Variants in CSMD1 observed in about 807,000 individuals in gnomAD.
CSMD1 encodes the protein CUB and sushi domain-containing protein 1.
In CSMD1, 213 loss-of-function variants were observed where a neutral mutation model predicts 417.5. That is an observed-to-expected ratio of 0.51 (90% CI 0.46 to 0.57). The LOEUF (loss-of-function observed/expected upper bound fraction) is 0.57, where lower values mean the gene tolerates loss of function less well. CSMD1 is among the 20% of genes least tolerant of loss of function. The pLI is 0.00. For missense variants in CSMD1, 6,923 were observed against 4,529.7 expected (o/e 1.53, Z -15.17); for synonymous variants, 2,862 against 1,736.8 (o/e 1.65, Z -16.11).
At chr8:3,245,369 C>T (rs192743532) in intron 26 of CSMD1, among the ~76,000 whole-genome samples, 7 of 152,330 alleles carry the variant, frequency 4.6e-5, no homozygotes, top group Admixed American at 4.6e-4. Flanking sequence ...AGGCTGAATT[C>T]TCCCTGCAGG....
At chr8:4,097,240 T>C (rs2036556358) in intron 3 of CSMD1, among the ~76,000 whole-genome samples, 1 of 152,156 alleles carries the variant, frequency 6.6e-6, no homozygotes, top group African/African-American at 2.4e-5. Flanking sequence ...CCTTTTGTAG[T>C]ACAAAGAACT....
chr8:4,705,704 T>A (rs1336102617), intron 1 of CSMD1, among the ~76,000 whole-genome samples: 11 of 152,198 alleles, frequency 7.2e-5, no homozygotes, highest in Non-Finnish European at 1.5e-4. Flanking sequence ...GAGTGTCTCT[T>A]TAACGTCTGA....
chr8:3,528,718 A>C (rs774537171), intron 10 of CSMD1, among the ~76,000 whole-genome samples: 6 of 152,226 alleles, frequency 3.9e-5, no homozygotes, highest in Non-Finnish European at 7.3e-5. Flanking sequence ...GAAAAGCTTG[A>C]GGGATTGGAA....
chr8:4,848,185 G>C (rs1383453056), intron 1 of CSMD1, among the ~76,000 whole-genome samples: 1 of 152,144 alleles, frequency 6.6e-6, no homozygotes, highest in African/African-American at 2.4e-5. Flanking sequence ...ATATTTCATT[G>C]TATGGAAATG....
At chr8:3,582,212 T>G (rs1474064504) in intron 9 of CSMD1, among the ~76,000 whole-genome samples, 1 of 152,194 alleles carries the variant, frequency 6.6e-6, no homozygotes, top group African/African-American at 2.4e-5. Flanking sequence ...TGTAGTCTGT[T>G]TTAGGTAGGA....
intron 1 of CSMD1, among the ~76,000 whole-genome samples, chr8:4,808,817 G>C (rs1798731315): frequency 6.6e-6 from 1 of 152,212 alleles, no homozygotes; most frequent in Non-Finnish European, 1.5e-5. Flanking sequence ...ATGTAATAAA[G>C]TGATAGTGCT....
At chr8:3,472,159 G>A (rs188347801) in intron 11 of CSMD1, among the ~76,000 whole-genome samples, 1 of 151,982 alleles carries the variant, frequency 6.6e-6, no homozygotes, top group Non-Finnish European at 1.5e-5. Flanking sequence ...AAGGGTTCTT[G>A]GCTCTTTTAA....
intron 5 of CSMD1, among the ~76,000 whole-genome samples, chr8:3,824,849 G>C (rs981982399): frequency 1.3e-5 from 2 of 152,026 alleles, no homozygotes; most frequent in Non-Finnish European, 2.9e-5. Context: ...AAATGACACA[G>C]GGTTTCAATT....
chr8:4,259,280 G>A (rs117288942), intron 3 of CSMD1, among the ~76,000 whole-genome samples: 8 of 152,186 alleles, frequency 5.3e-5, no homozygotes, highest in East Asian at 1.9e-4. Flanking sequence ...CTCCCTGGCT[G>A]GCATTTGAAA....
At chr8:3,579,112 G>C (rs1434056325) in intron 9 of CSMD1, among the ~76,000 whole-genome samples, 1 of 152,158 alleles carries the variant, frequency 6.6e-6, no homozygotes, top group Admixed American at 6.5e-5. Flanking sequence ...CAGTTTTCCA[G>C]ACCTGTAAAC....
intron 39 of CSMD1, among the ~76,000 whole-genome samples, chr8:3,157,346 C>T (rs946425760): frequency 3.3e-5 from 5 of 152,148 alleles, no homozygotes; most frequent in African/African-American, 1.2e-4. Flanking sequence ...CCTATGCTAA[C>T]AGTTTAGGGA....
chr8:3,406,816 A>G (rs940337982), intron 14 of CSMD1, among the ~76,000 whole-genome samples: 3 of 152,230 alleles, frequency 2.0e-5, no homozygotes, highest in African/African-American at 4.8e-5. Flanking sequence ...TTAAGTAGAT[A>G]TTCTTACATA....
chr8:3,454,671 C>A (rs529811540), intron 12 of CSMD1, among the ~76,000 whole-genome samples: 1 of 152,188 alleles, frequency 6.6e-6, no homozygotes, highest in Non-Finnish European at 1.5e-5. Flanking sequence ...AGAGTTTCTG[C>A]GGAGAGATCA....
chr8:2,982,751 C>G (rs145002232), intron 54 of CSMD1, among the ~76,000 whole-genome samples: 1 of 152,182 alleles, frequency 6.6e-6, no homozygotes, highest in East Asian at 1.9e-4. Flanking sequence ...TCCACATCCT[C>G]GCTTCTTTCC....
intron 52 of CSMD1, among the ~76,000 whole-genome samples, chr8:3,001,311 A>G (rs1179112906): frequency 1.3e-5 from 2 of 151,930 alleles, no homozygotes; most frequent in African/African-American, 2.4e-5. Flanking sequence ...CTTCTCTTCC[A>G]TCTCCCTCTT....
At position 4,734,537 on chromosome 8, in the gene CSMD1, G is replaced by A. The variant is rs140435924; in HGVS notation, c.86-96979C>T. ...TAATAACTGTTGAAGATTTAGAAAC[G>A]TATTTGGTAGCGAAGTATAAGTAAA... On this transcript the variant is annotated intron_variant, in intron 1 of 69. Coordinates refer to ENST00000635120, the MANE Select transcript of CSMD1 (RefSeq NM_033225.6). Among the ~76,000 whole-genome samples the A allele has an allele frequency of 2.6e-3, 391 of 152,184 alleles. 1 individual carries two copies. Among genetic ancestry groups the A allele is most frequent in the African/African-American group, 8.7e-3 (363 of 41,536 alleles).
chr8:3,614,356 G>A (rs536538646), intron 8 of CSMD1, among the ~76,000 whole-genome samples: 3 of 150,034 alleles, frequency 2.0e-5, no homozygotes, highest in Admixed American at 1.3e-4. Flanking sequence ...ACCGCCCCCC[G>A]AGCCAGATCA....
At chr8:3,850,202 C>G (rs891611829) in intron 5 of CSMD1, among the ~76,000 whole-genome samples, 1 of 152,244 alleles carries the variant, frequency 6.6e-6, no homozygotes, top group Non-Finnish European at 1.5e-5. Context: ...ACTGTTTACA[C>G]TTTTCTTTAT....
At chr8:4,069,220 G>A (rs757835559) in intron 3 of CSMD1, among the ~76,000 whole-genome samples, 1 of 152,160 alleles carries the variant, frequency 6.6e-6, no homozygotes, top group Non-Finnish European at 1.5e-5. Flanking sequence ...ATGTAAAATT[G>A]TCATACAGAT....
Sources: allele counts gnomAD v4.1 joint callset (sites outside exome capture counted in the v4.1 genomes callset), GRCh38; gene constraint gnomAD v4.1.1; transcripts MANE v1.5; gene names NCBI Gene and HGNC (gene_info 2026-07-23, HGNC 2026-07-21).